The following PCDHGB4 variants were observed in gnomAD, a reference collection of about 807,000 sequenced individuals.
PCDHGB4 encodes protocadherin gamma-B4.
PCDHGB4 carries 38 observed loss-of-function variants against 60.5 expected under a neutral mutation model. The ratio of observed to expected loss-of-function variants is 0.63; its 90% confidence interval spans 0.48 to 0.82. The LOEUF is 0.82. PCDHGB4 is among the 40% of genes least tolerant of loss of function. The pLI is 0.00. For synonymous variants in PCDHGB4, 456 were observed against 509.7 expected (o/e 0.89, Z 1.42); for missense variants, 1,109 against 1,209.6 (o/e 0.92, Z 1.23).
At position 141,491,971 on chromosome 5, in the gene PCDHGB4, T is replaced by C. The variant is rs62379205; in HGVS notation, c.2398-2836T>C. ...CCTACACTCAAAAAAGGCCGGGGCC[T>C]CCTTCGAGCTTCCGGTGAATTTCGG... is the stretch of plus-strand genomic sequence containing the variant. On this transcript the variant is annotated intron_variant, in intron 1 of 3. Coordinates refer to ENST00000519479, the MANE Select transcript of PCDHGB4 (RefSeq NM_003736.4). This position sits in a 1 kb window ranked among gnomAD's most constrained non-coding sequence, Gnocchi z 6.9. The C allele has an allele frequency of 0.2, 165,735 of 830,872 alleles. 17,637 individuals are homozygous for C. Among genetic ancestry groups the C allele is most frequent in the Admixed American group, 0.32 (8,466 of 26,688 alleles). 51.5% of individuals were successfully genotyped at this position (830,872 alleles called of 1,614,324 possible).
At position 141,409,805 on chromosome 5, in the gene PCDHGB4, C is replaced by A. The variant is rs751397816; in HGVS notation, c.2397+19524C>A. On this transcript the variant is annotated intron_variant, in intron 1 of 3. Transcript: ENST00000519479. ...CGCCTTCGCGCTCACGCTGCAGGCC[C>A]GCGACCACGGCTCGCCCACGCTCAG... is the stretch of plus-strand genomic sequence containing the variant. 14 of 1,611,512 alleles carry A rather than the reference C, an allele frequency of 8.7e-6. No homozygotes were observed. Among genetic ancestry groups the A allele is most frequent in the Middle Eastern group, 1.6e-4 (1 of 6,072 alleles).
chr5:141,497,237 T>C (rs933112169), intron 2 of PCDHGB4, among the ~76,000 whole-genome samples: 3 of 152,038 alleles, frequency 2.0e-5, no homozygotes, highest in Non-Finnish European at 4.4e-5. Context: ...AGAAGGCTTC[T>C]AGGAGGAGGT....
intron 2 of PCDHGB4, among the ~76,000 whole-genome samples, chr5:141,503,744 A>G (rs1310696654): frequency 2.0e-5 from 3 of 152,112 alleles, no homozygotes; most frequent in African/African-American, 4.8e-5. Context: ...GATGGTATAG[A>G]GGTCACACAT....
At chr5:141,478,442 C>T in intron 1 of PCDHGB4, 1 of 1,613,608 alleles carries the variant, frequency 6.2e-7, no homozygotes, top group Non-Finnish European at 8.5e-7. Flanking sequence ...GCTGAAGAAA[C>T]CTGGTGCAGC....
chr5:141,427,914 A>G (rs757621783), intron 1 of PCDHGB4: 123 of 1,576,802 alleles, frequency 7.8e-5, no homozygotes, highest in Non-Finnish European at 7.6e-5. Context: ...CAGCGCCAAC[A>G]TGAGCCGGCG....
Position 141,418,514 on chromosome 5 carries a change from G to A in PCDHGB4, c.2397+28233G>A. Reference sequence around the variant, plus strand: ...GGTACTGACCGCCTTAGATGGTGGGGACCCTCCCCGAAGCGGTACTGCTCA... The same window carrying A: ...GGTACTGACCGCCTTAGATGGTGGGAACCCTCCCCGAAGCGGTACTGCTCA... On this transcript the variant is annotated intron_variant, in intron 1 of 3. Transcript: ENST00000519479. 1 of 1,613,996 alleles carries A rather than the reference G, an allele frequency of 6.2e-7. No homozygotes were observed.
chr5:141,463,814 C>T (rs1359662651), intron 1 of PCDHGB4, among the ~76,000 whole-genome samples: 7 of 152,188 alleles, frequency 4.6e-5, no homozygotes, highest in African/African-American at 1.7e-4. Flanking sequence ...GCTTTTATCA[C>T]ACATTTTGAT....
chr5:141,499,565 C>CTTATCTTGT (rs2099792732), intron 2 of PCDHGB4, among the ~76,000 whole-genome samples: 2 of 152,168 alleles, frequency 1.3e-5, no homozygotes, highest in Non-Finnish European at 2.9e-5. Flanking sequence ...CACTATCCAG[C>CTTATCTTGT]TTCAACTAAT....
chr5:141,419,451 C>T (rs747887064), intron 1 of PCDHGB4: 2 of 1,612,796 alleles, frequency 1.2e-6, no homozygotes, highest in Non-Finnish European at 8.5e-7. Flanking sequence ...TTCGAGCTCA[C>T]GCTGCAGGCC....
chr5:141,502,126 A>C (rs2154593060), intron 2 of PCDHGB4, among the ~76,000 whole-genome samples: 1 of 152,252 alleles, frequency 6.6e-6, no homozygotes, highest in South Asian at 2.1e-4. Flanking sequence ...AGGCCCACAG[A>C]GCTCAGTCGG....
In PCDHGB4 at chr5:141,432,635, G is replaced by T. The variant is rs754354737; in HGVS notation, c.2397+42354G>T. 8.7e-6 allele frequency: 14 copies of T among 1,613,004 alleles called. No individual in the cohort carries two copies. The South Asian group carries it at 1.4e-4, about 16-fold the overall frequency. On this transcript the variant is annotated intron_variant, in intron 1 of 3. Transcript: ENST00000519479. This position sits in a 1 kb window ranked among gnomAD's most constrained non-coding sequence, Gnocchi z 6.0. ...CTCGGTGGGTCTGCACACGGGCGAGGTGCGCACGGCGCGAGCCCTGCTGGA... is the reference window on the plus strand; with the variant it reads ...CTCGGTGGGTCTGCACACGGGCGAGTTGCGCACGGCGCGAGCCCTGCTGGA...
chr5:141,404,525 T>G, intron 1 of PCDHGB4: 1 of 1,613,796 alleles, frequency 6.2e-7, no homozygotes, highest in South Asian at 1.1e-5. Flanking sequence ...CTATGAGCAG[T>G]TTAGAGATTT....
intron 2 of PCDHGB4, among the ~76,000 whole-genome samples, chr5:141,500,812 T>C: frequency 6.6e-6 from 1 of 152,322 alleles, no homozygotes; most frequent in South Asian, 2.1e-4. Flanking sequence ...CATATGAATA[T>C]ACATATTATT....
chr5:141,393,086 T>C (rs533530561), intron 1 of PCDHGB4: 1 of 1,613,614 alleles, frequency 6.2e-7, no homozygotes, highest in Non-Finnish European at 8.5e-7. Flanking sequence ...GCAGGATAGA[T>C]CGGGAGGAGC....
intron 1 of PCDHGB4, chr5:141,478,533 C>G: frequency 6.2e-7 from 1 of 1,608,070 alleles, no homozygotes; most frequent in African/African-American, 1.3e-5. Context: ...GCAGAGAGCG[C>G]CCCTCCCGGA....
rs759191157 is a variant in PCDHGB4, at chr5:141,485,768, C to T, written c.2398-9039C>T. Reference sequence around the variant, plus strand: ...GGTCCCAGAGCTGCTCCTGGAGAAGCCTTTGGATCGAGAGAAGCAATCGGA... The same window carrying T: ...GGTCCCAGAGCTGCTCCTGGAGAAGTCTTTGGATCGAGAGAAGCAATCGGA... On this transcript the variant is annotated intron_variant, in intron 1 of 3. Transcript: ENST00000519479. This position sits in a 1 kb window ranked among gnomAD's most constrained non-coding sequence, Gnocchi z 5.7. The T allele has an allele frequency of 5.6e-6, 9 of 1,614,074 alleles. No individual in the cohort carries two copies. The highest frequency in any genetic ancestry group is 1.7e-5 in the Admixed American group (1 of 60,000).
rs199625514 is a variant in PCDHGB4 at position 141,485,144 on chromosome 5, G to C, written c.2398-9663G>C. The C allele has an allele frequency of 6.4e-7, 1 of 1,564,190 alleles. No homozygotes were observed. Among genetic ancestry groups the C allele is most frequent in the African/African-American group, 1.4e-5 (1 of 74,034 alleles). ...CGGGTCGGCTTCATCCGCGTCTCAG[G>C]AGCAAGTAGAGAATTAGCGGGCGGC... On this transcript the variant is annotated intron_variant, in intron 1 of 3. Coordinates refer to ENST00000519479, the MANE Select transcript of PCDHGB4 (RefSeq NM_003736.4). The surrounding 1 kb of genome is among the most constrained non-coding windows in gnomAD (Gnocchi z 5.7).
At chr5:141,394,684 G>C in intron 1 of PCDHGB4, 1 of 1,612,090 alleles carries the variant, frequency 6.2e-7, no homozygotes, top group South Asian at 1.1e-5. Flanking sequence ...CTGCACACGG[G>C]CGAGGTGCGC....
chr5:141,479,109 A>G (rs925202951), intron 1 of PCDHGB4, among the ~76,000 whole-genome samples: 4 of 152,234 alleles, frequency 2.6e-5, no homozygotes, highest in Admixed American at 2.6e-4. Context: ...TATTTCAAGC[A>G]TTCTACTGGA....
Sources: gnomAD v4.1 joint callset for allele counts (sites outside exome capture counted in the v4.1 genomes callset) on GRCh38, gnomAD v4.1.1 for gene constraint, Gnocchi (gnomAD v3.1) non-coding constraint, MANE v1.5 for transcripts, NCBI Gene and HGNC (gene_info 2026-07-23, HGNC 2026-07-21) for gene names.